The following CNTNAP2 variants were observed in gnomAD, a reference collection of about 807,000 sequenced individuals.
The protein encoded by CNTNAP2 is contactin associated protein 2, also known as contactin-associated protein-like 2.
A neutral mutation model predicts 155.2 loss-of-function variants in CNTNAP2; 98 were observed. The observed-to-expected ratio is 0.63, with a 90% CI of 0.54 to 0.75. CNTNAP2 has a LOEUF of 0.75. Among genes scored for constraint, CNTNAP2 ranks in the 30% least tolerant of loss-of-function variants. The pLI, the probability that CNTNAP2 is intolerant of heterozygous loss-of-function variation, is 0.00. For synonymous variants in CNTNAP2, 651 were observed against 631.2 expected (o/e 1.03, Z -0.47); for missense variants, 1,727 against 1,688.1 (o/e 1.02, Z -0.40).
chr7:146,271,893 T>C (rs565698459), intron 1 of CNTNAP2, among the ~76,000 whole-genome samples: 20 of 152,342 alleles, frequency 1.3e-4, no homozygotes, highest in African/African-American at 4.8e-4. Flanking sequence ...TGCTGGCTTA[T>C]ATTAAAGTTG....
intron 2 of CNTNAP2, among the ~76,000 whole-genome samples, chr7:146,827,764 C>T (rs1345983969): frequency 1.3e-5 from 2 of 152,020 alleles, no homozygotes; most frequent in East Asian, 3.9e-4. Context: ...CTGATGAAGG[C>T]TTCGATCTTG....
chr7:147,738,410 G>T (rs1361336237), intron 13 of CNTNAP2, among the ~76,000 whole-genome samples: 1 of 127,082 alleles, frequency 7.9e-6, no homozygotes, highest in East Asian at 1.9e-4. Context: ...CATCATTGTT[G>T]CCTTATTTTA....
At chr7:146,817,363 T>G (rs1317991302) in intron 2 of CNTNAP2, among the ~76,000 whole-genome samples, 1 of 151,654 alleles carries the variant, frequency 6.6e-6, no homozygotes, top group Non-Finnish European at 1.5e-5. Context: ...TCCCAGCTAC[T>G]CAGGAGGCTG....
intron 15 of CNTNAP2, among the ~76,000 whole-genome samples, chr7:148,049,778 T>C (rs551007738): frequency 0.012 from 1,876 of 152,340 alleles, 46 homozygotes; most frequent in African/African-American, 0.043. Context: ...ATAATGATAA[T>C]ATTTGACTAT....
chr7:148,369,352 C>T (rs925712920), intron 21 of CNTNAP2, among the ~76,000 whole-genome samples: 5 of 151,936 alleles, frequency 3.3e-5, no homozygotes, highest in African/African-American at 1.2e-4. Flanking sequence ...GGGTGTGCCA[C>T]TACACCTGGC....
intron 1 of CNTNAP2, among the ~76,000 whole-genome samples, chr7:146,259,430 A>G (rs1799887656): frequency 1.3e-5 from 2 of 152,190 alleles, no homozygotes. Flanking sequence ...GGTATGTTGA[A>G]TGGTGTTGAC....
intron 16 of CNTNAP2, among the ~76,000 whole-genome samples, chr7:148,133,366 G>A (rs146032620): frequency 0.016 from 2,433 of 152,288 alleles, 74 homozygotes; most frequent in African/African-American, 0.055. Flanking sequence ...GGAGGCTGAG[G>A]CAGGAGAATC....
In CNTNAP2 at chr7:147,152,925, A is replaced by C. The variant is rs116184468; in HGVS notation, c.1348+20416A>C. Among the ~76,000 whole-genome samples, 652 of 152,258 alleles carry C rather than the reference A, an allele frequency of 4.3e-3. 6 individuals are homozygous for C. Among genetic ancestry groups the C allele is most frequent in the African/African-American group, 0.015 (622 of 41,548 alleles). On this transcript the variant is annotated intron_variant, in intron 8 of 23. Coordinates refer to ENST00000361727, the MANE Select transcript of CNTNAP2 (RefSeq NM_014141.6). ...CCAAAGCATAGTAAGTCTGATGTTCATTCCTGAGCTTTTTCCATTGGTTCA... is the reference window on the plus strand; with the variant it reads ...CCAAAGCATAGTAAGTCTGATGTTCCTTCCTGAGCTTTTTCCATTGGTTCA...
At chr7:146,952,014 G>C (rs547420465) in intron 3 of CNTNAP2, among the ~76,000 whole-genome samples, 1 of 151,988 alleles carries the variant, frequency 6.6e-6, no homozygotes, top group South Asian at 2.1e-4. Flanking sequence ...GATGAACATC[G>C]ACACAAAAAT....
intron 10 of CNTNAP2, among the ~76,000 whole-genome samples, chr7:147,422,687 C>T (rs1300146276): frequency 1.3e-5 from 2 of 152,070 alleles, no homozygotes; most frequent in African/African-American, 4.8e-5. Context: ...TAAACTTAAT[C>T]GTACTTTAGT....
chr7:147,072,096 G>A (rs1278218626), intron 4 of CNTNAP2, among the ~76,000 whole-genome samples: 1 of 152,102 alleles, frequency 6.6e-6, no homozygotes, highest in Non-Finnish European at 1.5e-5. Flanking sequence ...TGATCTGAGG[G>A]AGAACTTCTC....
At chr7:147,234,432 G>A (rs1284177167) in intron 8 of CNTNAP2, among the ~76,000 whole-genome samples, 2 of 140,116 alleles carry the variant, frequency 1.4e-5, no homozygotes, top group African/African-American at 2.7e-5. Flanking sequence ...CCGCCTCCCA[G>A]GTTCACACCA....
At chr7:148,225,923 G>A (rs1349101969) in intron 19 of CNTNAP2, among the ~76,000 whole-genome samples, 3 of 152,124 alleles carry the variant, frequency 2.0e-5, no homozygotes. Flanking sequence ...ATACTTTTGG[G>A]GAGAGAAGAT....
chr7:146,511,550 T>A (rs548308546), intron 1 of CNTNAP2, among the ~76,000 whole-genome samples: 73 of 152,310 alleles, frequency 4.8e-4, no homozygotes, highest in East Asian at 1.2e-3. Context: ...AACATTTTTT[T>A]AAAAATTCTG....
chr7:146,483,326 T>TATACATAC (rs1554439605), intron 1 of CNTNAP2, among the ~76,000 whole-genome samples: 5 of 79,260 alleles, frequency 6.3e-5, no homozygotes, highest in Non-Finnish European at 1.2e-4. Context: ...TATATATATA[T>TATACATAC]ATACATATAT....
At chr7:146,643,745 C>T (rs1010224847) in intron 1 of CNTNAP2, among the ~76,000 whole-genome samples, 3 of 152,070 alleles carry the variant, frequency 2.0e-5, no homozygotes, top group Non-Finnish European at 2.9e-5. Context: ...TATAAATTAC[C>T]TTGGGCAGTA....
chr7:146,413,306 ACGGCTTCAGGTTGGAC>A (rs1358965663), intron 1 of CNTNAP2, among the ~76,000 whole-genome samples: 3 of 152,154 alleles, frequency 2.0e-5, no homozygotes, highest in Admixed American at 1.3e-4. Context: ...ATCTTATTTC[ACGGCTTCAGGTTGGAC>A]CTTCCACTTG....
chr7:146,420,365 C>T (rs894165041), intron 1 of CNTNAP2, among the ~76,000 whole-genome samples: 2 of 152,046 alleles, frequency 1.3e-5, no homozygotes, highest in African/African-American at 2.4e-5. Flanking sequence ...CTGTCTCCCC[C>T]GTCACTGCCT....
intron 14 of CNTNAP2, among the ~76,000 whole-genome samples, chr7:147,941,375 A>T (rs1800718904): frequency 6.6e-6 from 1 of 152,158 alleles, no homozygotes; most frequent in African/African-American, 2.4e-5. Flanking sequence ...TCTGCCTCAT[A>T]CTAGGATTCC....
Sources: allele counts gnomAD v4.1 joint callset (sites outside exome capture counted in the v4.1 genomes callset), GRCh38; gene constraint gnomAD v4.1.1; transcripts MANE v1.5; gene names NCBI Gene and HGNC (gene_info 2026-07-23, HGNC 2026-07-21).